NOL4: variants seen among roughly 807,000 people sequenced by gnomAD.
NOL4 encodes the protein cancer/testis antigen 125.
A neutral mutation model predicts 75.9 loss-of-function variants in NOL4; 17 were observed. The observed-to-expected ratio is 0.22, with a 90% CI of 0.15 to 0.34. NOL4 has a LOEUF of 0.34. Ranked by LOEUF, NOL4 falls within the 10% of genes least tolerant of loss-of-function variation. NOL4 has a pLI of 1.00. For missense variants in NOL4, 614 were observed against 793.5 expected (o/e 0.77, Z 2.72); for synonymous variants, 292 against 289.9 (o/e 1.01, Z -0.07).
chr18:34,115,049 C>T (rs2079784491), intron 2 of NOL4, among the ~76,000 whole-genome samples: 1 of 152,030 alleles, frequency 6.6e-6, no homozygotes, highest in Admixed American at 6.6e-5. Context: ...GGCAAAGAGT[C>T]CTCGGCAGAA....
At chr18:34,046,602 T>TTAAACA (rs1491570909) in intron 5 of NOL4, among the ~76,000 whole-genome samples, 1 of 32,100 alleles carries the variant, frequency 3.1e-5, no homozygotes, top group African/African-American at 1.0e-4. Flanking sequence ...TACTATTTAC[T>TTAAACA]TATACATATA....
intron 5 of NOL4, among the ~76,000 whole-genome samples, chr18:34,044,828 G>A (rs1480976571): frequency 2.0e-5 from 3 of 152,102 alleles, no homozygotes; most frequent in Non-Finnish European, 4.4e-5. Context: ...ACTTTCCTAT[G>A]TCTATAATGG....
intron 9 of NOL4, among the ~76,000 whole-genome samples, chr18:33,903,850 T>C (rs1324328382): frequency 6.6e-6 from 1 of 152,162 alleles, no homozygotes; most frequent in African/African-American, 2.4e-5. Flanking sequence ...CATTTTGCAC[T>C]GCAAACATAC....
At chr18:33,882,984 T>C (rs1049156486) in intron 10 of NOL4, among the ~76,000 whole-genome samples, 4 of 151,890 alleles carry the variant, frequency 2.6e-5, no homozygotes, top group Admixed American at 6.6e-5. Context: ...CATATTCTCA[T>C]TCATAGGTGG....
intron 9 of NOL4, among the ~76,000 whole-genome samples, chr18:33,896,992 G>A (rs549868326): frequency 3.9e-5 from 6 of 152,034 alleles, no homozygotes; most frequent in South Asian, 4.2e-4. Context: ...ACATACATGC[G>A]GCCAGTAAGC....
chr18:33,917,855 G>A (rs1289188992), intron 9 of NOL4, among the ~76,000 whole-genome samples: 1 of 151,926 alleles, frequency 6.6e-6, no homozygotes, highest in Non-Finnish European at 1.5e-5. Context: ...CACCTTTTGG[G>A]GATTGCTAAT....
At chr18:33,860,297 C>G (rs1014170527) in intron 10 of NOL4, among the ~76,000 whole-genome samples, 2 of 152,080 alleles carry the variant, frequency 1.3e-5, no homozygotes, top group African/African-American at 4.8e-5. Context: ...TACCTCCCCC[C>G]AAATCTCACA....
At chr18:33,882,600 T>C (rs1165752623) in intron 10 of NOL4, among the ~76,000 whole-genome samples, 4 of 148,382 alleles carry the variant, frequency 2.7e-5, no homozygotes, top group East Asian at 4.0e-4. Flanking sequence ...ACTTTTACAC[T>C]GTTGGTGGGA....
At chr18:34,136,193 T>A (rs1442302281) in intron 1 of NOL4, among the ~76,000 whole-genome samples, 1 of 152,134 alleles carries the variant, frequency 6.6e-6, no homozygotes, top group Non-Finnish European at 1.5e-5. Context: ...TTTCCTCAAC[T>A]TCATGAGGGA....
rs377382445 is a variant in NOL4, at chr18:33,936,255, G to A, written c.1542+6810C>T. On this transcript the variant is annotated intron_variant, in intron 9 of 10. Coordinates refer to ENST00000261592, the MANE Select transcript of NOL4 (RefSeq NM_003787.5). The stretch of plus-strand genomic sequence containing the variant: ...TCTTTAATAATATTCCAACTTATTA[G>A]TATCCTAATAAAACAAAGAAAAATC... 3.9e-5 allele frequency among the ~76,000 whole-genome samples: 6 copies of A among 151,980 alleles called. No individual in the cohort carries two copies. In the East Asian group the frequency reaches 9.7e-4, roughly 24 times the overall value.
At chr18:33,892,321 C>T (rs1008429078) in intron 9 of NOL4, among the ~76,000 whole-genome samples, 5 of 152,054 alleles carry the variant, frequency 3.3e-5, no homozygotes, top group African/African-American at 1.2e-4. Context: ...GTCCTAGCTA[C>T]TCAGGAGGCT....
intron 6 of NOL4, among the ~76,000 whole-genome samples, chr18:33,978,164 T>C (rs78820641): frequency 0.033 from 5,098 of 152,304 alleles, 161 homozygotes; most frequent in Middle Eastern, 0.088. Context: ...TACCTATCTA[T>C]CTGTTGAATA....
chr18:33,910,315 TAGG>T, intron 9 of NOL4, among the ~76,000 whole-genome samples: 1 of 152,134 alleles, frequency 6.6e-6, no homozygotes, highest in Non-Finnish European at 1.5e-5. Context: ...CTCTGGACTC[TAGG>T]GTTTCAAATC....
chr18:34,049,078 A>ATG (rs1568273051), intron 5 of NOL4, among the ~76,000 whole-genome samples: 12 of 75,760 alleles, frequency 1.6e-4, no homozygotes, highest in South Asian at 4.0e-4. Flanking sequence ...GCGCGCGCAC[A>ATG]CACACACACA....
At chr18:34,019,663 A>G in intron 5 of NOL4, 62 bp from the exon 6 acceptor site, 2 of 1,458,564 alleles carry the variant, frequency 1.4e-6, no homozygotes, top group Non-Finnish European at 1.9e-6. Context: ...GTCTACTTCA[A>G]CTAGCATTTA....
intron 1 of NOL4, among the ~76,000 whole-genome samples, chr18:34,202,494 T>C (rs1478932003): frequency 2.6e-5 from 4 of 151,992 alleles, no homozygotes; most frequent in South Asian, 2.1e-4. Flanking sequence ...ACCCACCTGG[T>C]TGGACGATTT....
At chr18:33,947,496 A>C (rs2068920677) in intron 8 of NOL4, among the ~76,000 whole-genome samples, 1 of 151,856 alleles carries the variant, frequency 6.6e-6, no homozygotes, top group Non-Finnish European at 1.5e-5. Flanking sequence ...AATTCAATAG[A>C]TAACTTATGA....
At chr18:33,954,305 T>C (rs1370866928) in intron 8 of NOL4, among the ~76,000 whole-genome samples, 1 of 152,140 alleles carries the variant, frequency 6.6e-6, no homozygotes, top group East Asian at 1.9e-4. Flanking sequence ...CATATATTTT[T>C]CAATTAGTTG....
chr18:33,905,166 T>C (rs755452853), intron 9 of NOL4, among the ~76,000 whole-genome samples: 7 of 152,178 alleles, frequency 4.6e-5, no homozygotes, highest in African/African-American at 7.2e-5. Flanking sequence ...TTGCCAAATA[T>C]GTTAACTGTA....
Sources: gnomAD v4.1 joint callset for allele counts (sites outside exome capture counted in the v4.1 genomes callset) on GRCh38, gnomAD v4.1.1 for gene constraint, MANE v1.5 for transcripts, NCBI Gene and HGNC (gene_info 2026-07-23, HGNC 2026-07-21) for gene names.